Variants in KIAA0586 observed in about 807,000 individuals in gnomAD.
The protein encoded by KIAA0586 is protein TALPID3.
Under a neutral mutation model 169.8 loss-of-function variants are expected in KIAA0586, and 144 were observed. The observed-to-expected ratio is 0.85, with a 90% CI of 0.74 to 0.97. The LOEUF is 0.97. Ranked by LOEUF, KIAA0586 falls within the 50% of genes least tolerant of loss-of-function variation. KIAA0586 has a pLI of 0.00. For synonymous variants in KIAA0586, 625 were observed against 612.4 expected, an observed-to-expected ratio of 1.02 and a Z score of -0.30; for missense variants, 1,854 against 1,823.0, an observed-to-expected ratio of 1.02 and a Z score of -0.31.
chr14:58,558,112 T>A, the KIAA0586 span, among the ~76,000 whole-genome samples: 1 of 151,876 alleles, frequency 6.6e-6, no homozygotes. Flanking sequence ...GGTTTCACCA[T>A]GTTGGCCAGG....
At chr14:58,516,941 T>C (rs534553113) in intron 29 of KIAA0586, among the ~76,000 whole-genome samples, 106 of 152,098 alleles carry the variant, frequency 7.0e-4, no homozygotes, top group African/African-American at 2.5e-3. Flanking sequence ...CTCATCTATA[T>C]ACAAAAAAAA....
At chr14:58,465,734 G>C (rs759114723) in intron 14 of KIAA0586, 101 bp from the exon 15 acceptor site, 38 of 720,090 alleles carry the variant, frequency 5.3e-5, no homozygotes, top group Non-Finnish European at 7.2e-5. Context: ...ACCTTATATA[G>C]AATTAAGATT....
chr14:58,490,793 G>A (rs113791237), intron 25 of KIAA0586, among the ~76,000 whole-genome samples: 15 of 152,026 alleles, frequency 9.9e-5, no homozygotes, highest in East Asian at 3.9e-4. Context: ...TGAAAAAACC[G>A]TTAAGGAATA....
At chr14:58,552,107 TC>T (rs778661246), downstream of KIAA0586, among the ~76,000 whole-genome samples, 6 of 152,072 alleles carry the variant, frequency 3.9e-5, no homozygotes, top group East Asian at 7.7e-4. Context: ...AAATTCTGTC[TC>T]CCCCTAATAT....
intron 21 of KIAA0586, 105 bp from the exon 22 acceptor site, chr14:58,486,902 C>G: frequency 1.2e-6 from 1 of 855,034 alleles, no homozygotes; most frequent in Non-Finnish European, 1.7e-6. Flanking sequence ...TTAACCCTGC[C>G]ATCAATTTAA....
intron 30 of KIAA0586, among the ~76,000 whole-genome samples, chr14:58,545,193 G>A (rs1464810072): frequency 2.0e-5 from 3 of 152,152 alleles, no homozygotes; most frequent in Non-Finnish European, 4.4e-5. Context: ...CTGTTTCTGA[G>A]AATTACTGTT....
chr14:58,492,531 G>A (rs1004497039), intron 26 of KIAA0586, among the ~76,000 whole-genome samples: 1 of 152,094 alleles, frequency 6.6e-6, no homozygotes, highest in African/African-American at 2.4e-5. Context: ...TATTTATTAA[G>A]TATCCATTAT....
At chr14:58,515,605 T>C (rs760336586) in intron 29 of KIAA0586, among the ~76,000 whole-genome samples, 2 of 152,118 alleles carry the variant, frequency 1.3e-5, no homozygotes, top group Non-Finnish European at 2.9e-5. Context: ...ACCATAGTTA[T>C]AAGGGTTTTA....
intron 28 of KIAA0586, 77 bp downstream of exon 28, chr14:58,508,786 A>G (rs537519816): frequency 1.8e-6 from 2 of 1,136,202 alleles, no homozygotes; most frequent in South Asian, 1.4e-5. Flanking sequence ...TACCCCGTCA[A>G]GAGCCAAGCC....
intron 27 of KIAA0586, among the ~76,000 whole-genome samples, chr14:58,508,269 C>T (rs764235846): frequency 3.3e-5 from 5 of 152,136 alleles, no homozygotes; most frequent in East Asian, 1.9e-4. Flanking sequence ...ATTAAGAGTT[C>T]GTATGTGGGA....
chr14:58,551,861 A>C (rs1025194636), downstream of KIAA0586, among the ~76,000 whole-genome samples: 1 of 152,206 alleles, frequency 6.6e-6, no homozygotes, highest in Non-Finnish European at 1.5e-5. Flanking sequence ...AACTTGAACA[A>C]TAATGGAGAG....
intron 19 of KIAA0586, among the ~76,000 whole-genome samples, chr14:58,475,686 A>G (rs1332117443): frequency 6.6e-6 from 1 of 152,232 alleles, no homozygotes; most frequent in Non-Finnish European, 1.5e-5. Context: ...GAATATTAAT[A>G]TAGTCATGAA....
rs768776477 is a variant in KIAA0586, at chr14:58,497,363, C to CT, written c.3991-1406dup. Among the ~76,000 whole-genome samples, 354 of 141,784 alleles carry CT rather than the reference C, an allele frequency of 2.5e-3. 1 individual carries two copies. Among genetic ancestry groups the CT allele is most frequent in the African/African-American group, 4.7e-3 (184 of 38,926 alleles). 93.0% of individuals were successfully genotyped at this position (141,784 alleles called of 152,430 possible). A position where few individuals can be genotyped will look rare whatever the true frequency, so the allele number is the denominator to read the frequency against. On this transcript the variant is annotated intron_variant, in intron 26 of 30. Transcript: ENST00000652326. ...AAAGTATTCTTCTATAATCTGTATA[C>CT]TTTTTTTTTTTTTTGAGACAGAGTA...
chr14:58,432,521 T>G, intron 4 of KIAA0586, 64 bp downstream of exon 4: 2 of 881,856 alleles, frequency 2.3e-6, no homozygotes, highest in South Asian at 3.2e-5. Context: ...ATTTGTACTT[T>G]GGACATATGA....
At position 58,548,182 on chromosome 14, in the gene KIAA0586, A is replaced by G. The variant is rs1319972374; in HGVS notation, c.*250A>G. On this transcript the variant is annotated 3_prime_UTR_variant, in exon 31 of 31. Transcript: ENST00000652326. ...AGATAGCATAGAGTAGTGAAAGGGC[A>G]TGGCTTTTGACATCTAGGCATTTAA... The G allele has an allele frequency of 5.3e-6, 2 of 375,308 alleles. No homozygotes were observed. Among genetic ancestry groups the G allele is most frequent in the African/African-American group, 4.2e-5 (2 of 48,182 alleles). 23.2% of individuals were successfully genotyped at this position (375,308 alleles called of 1,614,324 possible).
At chr14:58,484,035 G>C (rs1180978282) in intron 21 of KIAA0586, among the ~76,000 whole-genome samples, 1 of 152,056 alleles carries the variant, frequency 6.6e-6, no homozygotes, top group Admixed American at 6.6e-5. Context: ...TTTGCTTTCT[G>C]CCTATATATA....
the KIAA0586 span, among the ~76,000 whole-genome samples, chr14:58,561,390 G>A: frequency 6.6e-6 from 1 of 152,102 alleles, no homozygotes; most frequent in Non-Finnish European, 1.5e-5. Context: ...ATACACAGAA[G>A]GGTTTTTTTG....
intron 26 of KIAA0586, among the ~76,000 whole-genome samples, chr14:58,494,020 T>A (rs2042991781): frequency 6.6e-6 from 1 of 152,180 alleles, no homozygotes. Context: ...AAATCACTAA[T>A]ATCAGTGTAT....
At chr14:58,470,798 G>T in intron 17 of KIAA0586, 75 bp downstream of exon 17, 2 of 696,056 alleles carry the variant, frequency 2.9e-6, no homozygotes, top group Non-Finnish European at 5.0e-6. Context: ...TCCATTTAAA[G>T]CCTTTTATCA....
Sources: allele counts gnomAD v4.1 joint callset (sites outside exome capture counted in the v4.1 genomes callset), GRCh38; gene constraint gnomAD v4.1.1; transcripts MANE v1.5; gene names NCBI Gene and HGNC (gene_info 2026-07-23, HGNC 2026-07-21).